The following SBF2 variants were observed in gnomAD, a reference collection of about 807,000 sequenced individuals.
The protein encoded by SBF2 is myotubularin-related protein 13.
In SBF2, 112 loss-of-function variants were observed where a neutral mutation model predicts 225.2. The observed-to-expected ratio is 0.50, with a 90% CI of 0.43 to 0.58. The LOEUF is 0.58. Among genes scored for constraint, SBF2 ranks in the 20% least tolerant of loss-of-function variants. SBF2 has a pLI of 0.00. For missense variants in SBF2, 1,996 were observed against 2,206.2 expected (o/e 0.90, Z 1.91); for synonymous variants, 763 against 773.3 (o/e 0.99, Z 0.22).
At chr11:10,131,581 G>A (rs1311739927) in intron 2 of SBF2, among the ~76,000 whole-genome samples, 1 of 152,060 alleles carries the variant, frequency 6.6e-6, no homozygotes, top group Non-Finnish European at 1.5e-5. Flanking sequence ...CTACAGGTAT[G>A]CACCACCACA....
intron 14 of SBF2, 125 bp downstream of exon 14, chr11:9,968,216 T>C: frequency 1.2e-6 from 1 of 837,322 alleles, no homozygotes; most frequent in East Asian, 2.5e-5. Flanking sequence ...GTATTGATAA[T>C]GCTCTGATTC....
At chr11:10,109,723 T>C (rs16907460) in intron 2 of SBF2, among the ~76,000 whole-genome samples, 8,206 of 152,304 alleles carry the variant, frequency 0.054, 301 homozygotes, top group Middle Eastern at 0.15. Flanking sequence ...AGCATGTTTC[T>C]AGTAAGGATT....
rs1555097952 is a variant in SBF2 at position 10,257,694 on chromosome 11, A to AG, written c.55+36320_55+36321insC. 3.5e-5 allele frequency among the ~76,000 whole-genome samples: 5 copies of AG among 142,500 alleles called. 1 individual carries two copies. Among genetic ancestry groups the AG allele is most frequent in the South Asian group, 4.7e-4 (2 of 4,262 alleles). 93.5% of individuals were successfully genotyped at this position (142,500 alleles called of 152,430 possible). ...AAAAAAAAAAAAAAAAAAAAAAGAA[A>AG]TGCTGTACTAAAAAGAGCTTGGTCA... On this transcript the variant is annotated intron_variant, in intron 1 of 39. Transcript: ENST00000256190.
intron 2 of SBF2, among the ~76,000 whole-genome samples, chr11:10,096,422 T>A (rs1375406331): frequency 1.4e-5 from 1 of 72,096 alleles, no homozygotes; most frequent in Non-Finnish European, 3.2e-5. Flanking sequence ...GTCAAAGTTC[T>A]GTAAAAAAAA....
At chr11:10,167,192 T>C (rs1333504809) in intron 2 of SBF2, among the ~76,000 whole-genome samples, 1 of 152,208 alleles carries the variant, frequency 6.6e-6, no homozygotes, top group Non-Finnish European at 1.5e-5. Flanking sequence ...AGGTCACACA[T>C]TAAATAATGG....
intron 13 of SBF2, among the ~76,000 whole-genome samples, chr11:9,984,458 T>A (rs774567546): frequency 6.6e-5 from 10 of 152,062 alleles, no homozygotes; most frequent in African/African-American, 9.7e-5. Flanking sequence ...CTAAGAATAA[T>A]CGCTGTATCT....
intron 2 of SBF2, among the ~76,000 whole-genome samples, chr11:10,174,247 A>G (rs1052687334): frequency 3.0e-4 from 45 of 152,310 alleles, no homozygotes; most frequent in African/African-American, 9.9e-4. Context: ...AAAGGCAAAG[A>G]AGTTGAAAAC....
intron 2 of SBF2, 81 bp downstream of exon 2, chr11:10,193,821 A>AATT: frequency 2.1e-6 from 2 of 940,164 alleles, no homozygotes; most frequent in Admixed American, 3.5e-5. Flanking sequence ...TTTAACAGCA[A>AATT]ATGTAACATA....
At chr11:9,787,523 C>T (rs1852451745) in intron 36 of SBF2, 111 bp downstream of exon 36, 2 of 858,212 alleles carry the variant, frequency 2.3e-6, no homozygotes, top group Non-Finnish European at 2.0e-6. Flanking sequence ...TTCCACCCTT[C>T]CTTCTGGCCA....
At chr11:9,950,169 A>C (rs1865779392) in intron 16 of SBF2, among the ~76,000 whole-genome samples, 1 of 152,014 alleles carries the variant, frequency 6.6e-6, no homozygotes, top group Non-Finnish European at 1.5e-5. Flanking sequence ...AAGTGTCCTG[A>C]GATCATGAAA....
At chr11:9,926,789 A>G (rs912150040) in intron 16 of SBF2, among the ~76,000 whole-genome samples, 4 of 152,210 alleles carry the variant, frequency 2.6e-5, no homozygotes, top group Non-Finnish European at 5.9e-5. Context: ...TACCTGTGTT[A>G]GAAAAGAAGA....
At chr11:9,925,962 A>G (rs910368688) in intron 16 of SBF2, among the ~76,000 whole-genome samples, 2 of 109,740 alleles carry the variant, frequency 1.8e-5, no homozygotes, top group Non-Finnish European at 4.0e-5. Context: ...AACCAACGTG[A>G]TAACGTTTTC....
intron 1 of SBF2, among the ~76,000 whole-genome samples, chr11:10,239,274 A>G (rs951246239): frequency 6.6e-6 from 1 of 150,720 alleles, no homozygotes; most frequent in Non-Finnish European, 1.5e-5. Context: ...CTGAAATCAT[A>G]CACAGCTTCT....
intron 16 of SBF2, among the ~76,000 whole-genome samples, chr11:9,930,640 G>A (rs2134256816): frequency 6.6e-6 from 1 of 152,328 alleles, no homozygotes; most frequent in South Asian, 2.1e-4. Flanking sequence ...TTTCAAGATG[G>A]CTGAACAGGA....
chr11:10,177,331 G>A (rs1452367543), intron 2 of SBF2, among the ~76,000 whole-genome samples: 1 of 145,820 alleles, frequency 6.9e-6, no homozygotes, highest in Non-Finnish European at 1.5e-5. Context: ...AGTGTTGGAA[G>A]TTCTGGCCAG....
At chr11:10,125,826 C>CT (rs993817913) in intron 2 of SBF2, among the ~76,000 whole-genome samples, 2 of 152,102 alleles carry the variant, frequency 1.3e-5, no homozygotes, top group African/African-American at 2.4e-5. Context: ...TCAGTCTTTT[C>CT]TTTTTTTCCC....
intron 2 of SBF2, among the ~76,000 whole-genome samples, chr11:10,124,366 C>T (rs1953636576): frequency 6.6e-6 from 1 of 152,134 alleles, no homozygotes; most frequent in Admixed American, 6.5e-5. Flanking sequence ...CTGTGAAGTT[C>T]CATGTAACTT....
intron 2 of SBF2, among the ~76,000 whole-genome samples, chr11:10,161,339 G>A (rs757237764): frequency 6.6e-6 from 1 of 152,088 alleles, no homozygotes; most frequent in African/African-American, 2.4e-5. Flanking sequence ...AAGCCTCACA[G>A]TGTTTGCCAG....
At chr11:10,010,544 T>C (rs142699982) in intron 6 of SBF2, among the ~76,000 whole-genome samples, 7,955 of 152,218 alleles carry the variant, frequency 0.052, 297 homozygotes, top group Middle Eastern at 0.16. Flanking sequence ...GATCAGATGG[T>C]TGTAGATGTA....
Sources: gnomAD v4.1 joint callset for allele counts (sites outside exome capture counted in the v4.1 genomes callset) on GRCh38, gnomAD v4.1.1 for gene constraint, MANE v1.5 for transcripts, NCBI Gene and HGNC (gene_info 2026-07-23, HGNC 2026-07-21) for gene names.